The following RIMS1 variants were observed in gnomAD, a reference collection of about 807,000 sequenced individuals.
RIMS1 encodes the protein regulating synaptic membrane exocytosis 1.
In RIMS1, 83 loss-of-function variants were observed where a neutral mutation model predicts 214.1. The observed-to-expected ratio is 0.39, with a 90% CI of 0.32 to 0.47. RIMS1 has a LOEUF of 0.47. Ranked by LOEUF, RIMS1 falls within the 20% of genes least tolerant of loss-of-function variation. RIMS1 has a pLI of 0.99. For missense variants in RIMS1, 2,050 were observed against 2,161.8 expected, an observed-to-expected ratio of 0.95 and a Z score of 1.03; for synonymous variants, 793 against 786.8, an observed-to-expected ratio of 1.01 and a Z score of -0.13.
chr6:72,339,538 G>T (rs578112813), intron 29 of RIMS1, among the ~76,000 whole-genome samples: 1 of 151,822 alleles, frequency 6.6e-6, no homozygotes, highest in African/African-American at 2.4e-5. Flanking sequence ...GCAGTGTTTG[G>T]TTTTTTTGTC....
At chr6:72,059,343 C>T (rs1474493270) in intron 2 of RIMS1, among the ~76,000 whole-genome samples, 1 of 152,194 alleles carries the variant, frequency 6.6e-6, no homozygotes, top group Non-Finnish European at 1.5e-5. Flanking sequence ...CCTCCCTCCT[C>T]TGCCTCCTGA....
At chr6:72,382,498 A>G (rs1405349471) in intron 29 of RIMS1, among the ~76,000 whole-genome samples, 2 of 152,226 alleles carry the variant, frequency 1.3e-5, no homozygotes, top group East Asian at 1.9e-4. Flanking sequence ...ATTATATTGC[A>G]TGTAATACAA....
chr6:72,029,558 T>C (rs945596727), intron 2 of RIMS1, among the ~76,000 whole-genome samples: 2 of 152,158 alleles, frequency 1.3e-5, no homozygotes, highest in East Asian at 1.9e-4. Context: ...GTTGGCATCA[T>C]GATATTGGAC....
intron 4 of RIMS1, among the ~76,000 whole-genome samples, chr6:72,113,980 CTG>C (rs1254807296): frequency 1.3e-5 from 2 of 151,970 alleles, no homozygotes; most frequent in Admixed American, 6.6e-5. Flanking sequence ...AATAATGAGA[CTG>C]TTTTATGAAC....
intron 22 of RIMS1, among the ~76,000 whole-genome samples, chr6:72,268,869 A>G (rs1031693811): frequency 2.0e-5 from 3 of 152,158 alleles, no homozygotes; most frequent in African/African-American, 4.8e-5. Context: ...TTTGAGGTTT[A>G]TTTGTAATAA....
Position 72,258,966 on chromosome 6 carries a change from G to T in RIMS1, c.2928-20G>T, listed in dbSNP as rs1590944965. 6.2e-7 allele frequency: 1 copy of T among 1,611,374 alleles called. No individual in the cohort carries two copies. Among genetic ancestry groups the T allele is most frequent in the Non-Finnish European group, 8.5e-7 (1 of 1,177,990 alleles). On this transcript the variant is annotated intron_variant, in intron 17 of 33. Coordinates refer to ENST00000521978, the MANE Select transcript of RIMS1 (RefSeq NM_014989.7). ...GAAGATGATACAATTTGACACATAA[G>T]AATTTTGTAATCATTTTAGGAGTTT... is the stretch of plus-strand genomic sequence containing the variant.
At chr6:72,297,848 C>A (rs910021148) in intron 26 of RIMS1, among the ~76,000 whole-genome samples, 1 of 151,956 alleles carries the variant, frequency 6.6e-6, no homozygotes, top group Non-Finnish European at 1.5e-5. Context: ...GTATTTTAAG[C>A]TCACGTAACC....
intron 2 of RIMS1, among the ~76,000 whole-genome samples, chr6:72,085,489 A>T (rs1053641813): frequency 4.6e-5 from 7 of 152,136 alleles, no homozygotes; most frequent in African/African-American, 9.7e-5. Flanking sequence ...ATTATTCAGC[A>T]TATTTTCAGA....
Position 71,895,439 on chromosome 6 carries a change from C to T in RIMS1, c.164+8252C>T, listed in dbSNP as rs1341766504. 1.2e-4 allele frequency among the ~76,000 whole-genome samples: 18 copies of T among 152,056 alleles called. 1 individual carries two copies. The highest frequency in any genetic ancestry group is 1.2e-3 in the Admixed American group (18 of 15,256). ...CCTGCAATCCCAGCACTTTGGGAGG[C>T]TGAGAAGGGCGTATCACCTGAGGTC... On this transcript the variant is annotated intron_variant, in intron 1 of 33. Transcript: ENST00000521978.
intron 10 of RIMS1, among the ~76,000 whole-genome samples, chr6:72,243,732 A>G (rs1392509803): frequency 2.0e-5 from 3 of 151,810 alleles, no homozygotes; most frequent in Non-Finnish European, 4.4e-5. Flanking sequence ...CTGGAATAAC[A>G]TTATTTTTAC....
chr6:72,182,649 T>C lies in RIMS1; in HGVS notation c.1178T>C (p.Val393Ala). The change falls in exon 6 of 34, where the codon GTG (valine) becomes GCG (alanine). Residue 393 changes from valine to alanine, a missense_variant. Physicochemically the swap from Val to Ala is moderately conservative, Grantham distance 64. Transcript: ENST00000521978. ...AGGCACGAGCGGCGCCACAGCGACG[T>C]GGCGCTCCCGCGCACCGAGGCGGGC... ...RARHERRHSD[V>A]ALPRTEAGAA... 1 of 1,528,698 alleles carries C rather than the reference T, an allele frequency of 6.5e-7. No homozygotes were observed. The highest frequency in any genetic ancestry group is 1.2e-5 in the South Asian group (1 of 81,478). 94.7% of individuals were successfully genotyped at this position (1,528,698 alleles called of 1,614,324 possible). A position where few individuals can be genotyped will look rare whatever the true frequency, so the allele number is the denominator to read the frequency against.
At chr6:71,906,462 A>G (rs1348548366) in intron 1 of RIMS1, among the ~76,000 whole-genome samples, 2 of 152,176 alleles carry the variant, frequency 1.3e-5, no homozygotes, top group African/African-American at 4.8e-5. Context: ...CAGAAAAGAA[A>G]ACAGAAAAAA....
chr6:72,195,980 T>C (rs1412857467), intron 6 of RIMS1, among the ~76,000 whole-genome samples: 3 of 152,028 alleles, frequency 2.0e-5, no homozygotes, highest in Non-Finnish European at 2.9e-5. Context: ...CTCACTATCA[T>C]GAGAACAGCA....
intron 2 of RIMS1, among the ~76,000 whole-genome samples, chr6:72,057,498 C>CTTTTTTT (rs56115719): frequency 1.7e-3 from 210 of 126,156 alleles, no homozygotes; most frequent in Middle Eastern, 8.5e-3. Flanking sequence ...CCTTCTTTTT[C>CTTTTTTT]TTTTTTTTTT....
At chr6:72,272,591 C>T (rs1276848919) in intron 22 of RIMS1, among the ~76,000 whole-genome samples, 1 of 152,146 alleles carries the variant, frequency 6.6e-6, no homozygotes, top group Non-Finnish European at 1.5e-5. Context: ...TTCTCCTCCA[C>T]AGCTTTCACT....
In RIMS1 at chr6:72,182,610, G is replaced by A. The variant is rs1300571226; in HGVS notation, c.1139G>A (p.Arg380Gln). The A allele has an allele frequency of 1.3e-6, 2 of 1,547,600 alleles. No individual in the cohort carries two copies. The highest frequency in any genetic ancestry group is 3.9e-5 in the Admixed American group (2 of 50,972). Reference protein sequence around the residue: ...PEEQQMRMHARVSRARHERRH... With the variant: ...PEEQQMRMHAQVSRARHERRH... ...GAGCAGCAGATGCGCATGCACGCCCGGGTGTCCCGCGCCAGGCACGAGCGG... is the reference window on the plus strand; with the variant it reads ...GAGCAGCAGATGCGCATGCACGCCCAGGTGTCCCGCGCCAGGCACGAGCGG... The change falls in exon 6 of 34, where the codon CGG (arginine) becomes CAG (glutamine). Residue 380 changes from arginine (R) to glutamine (Q), a missense_variant. By Grantham distance (43) the Arg-to-Gln change is conservative. This residue lies in a region of RIMS1 where 882 missense variants were observed against 828.9 expected (regional missense o/e 1.06). Transcript: ENST00000521978.
At chr6:72,125,461 A>C (rs2039317857) in intron 4 of RIMS1, among the ~76,000 whole-genome samples, 1 of 152,216 alleles carries the variant, frequency 6.6e-6, no homozygotes, top group South Asian at 2.1e-4. Context: ...TTGAGGAGGC[A>C]GTCTGTCTAT....
At chr6:72,305,264 G>A (rs557565850) in intron 26 of RIMS1, among the ~76,000 whole-genome samples, 8 of 152,090 alleles carry the variant, frequency 5.3e-5, no homozygotes, top group South Asian at 2.1e-4. Context: ...ATAATTATCC[G>A]TGTCTAAGTA....
intron 1 of RIMS1, among the ~76,000 whole-genome samples, chr6:71,946,227 T>C (rs770956270): frequency 6.6e-6 from 1 of 152,190 alleles, no homozygotes; most frequent in Non-Finnish European, 1.5e-5. Context: ...ACAGATTCAA[T>C]GCAATCCCTA....
Sources: allele counts gnomAD v4.1 joint callset (sites outside exome capture counted in the v4.1 genomes callset), GRCh38; gene constraint gnomAD v4.1.1; regional missense constraint gnomAD v4.1.1; transcripts MANE v1.5; gene names NCBI Gene and HGNC (gene_info 2026-07-23, HGNC 2026-07-21).